CCDC62: variants seen among roughly 807,000 people sequenced by gnomAD.
The protein encoded by CCDC62 is coiled-coil domain containing 62.
Under a neutral mutation model 80.8 loss-of-function variants are expected in CCDC62, and 72 were observed. The observed-to-expected ratio is 0.89, with a 90% CI of 0.74 to 1.08. The LOEUF (loss-of-function observed/expected upper bound fraction) is 1.08, where lower values mean the gene tolerates loss of function less well. Ranked by LOEUF, CCDC62 falls within the 50% of genes least tolerant of loss-of-function variation. The probability of loss-of-function intolerance (pLI) is 0.00; values close to 1 mark genes in which losing one functional copy is unlikely to be tolerated. For synonymous variants in CCDC62, 286 were observed against 296.5 expected, an observed-to-expected ratio of 0.96 and a Z score of 0.36; for missense variants, 704 against 809.4, an observed-to-expected ratio of 0.87 and a Z score of 1.58.
In CCDC62 at chr12:122,806,145, TCTTAGTGAG is replaced by T; in HGVS notation, c.1707-3_1712del. On this transcript the variant is annotated splice_acceptor_variant and splice_polypyrimidine_tract_variant and coding_sequence_variant and intron_variant, in exon 10 of 13. Transcript: ENST00000253079. LOFTEE classifies it high-confidence loss of function. ...ATTTGTTTTTGTTGGGTTTTCTTAT[TCTTAGTGAG>T]CTAATTGCCATCCAAGATTCCCACT... 1 of 1,608,776 alleles carries T rather than the reference TCTTAGTGAG, an allele frequency of 6.2e-7. No homozygotes were observed. The highest frequency in any genetic ancestry group is 8.5e-7 in the Non-Finnish European group (1 of 1,177,696).
intron 3 of CCDC62, among the ~76,000 whole-genome samples, chr12:122,782,040 A>AG (rs2029896746): frequency 6.6e-6 from 1 of 151,702 alleles, no homozygotes. Context: ...AAAAAAAAAA[A>AG]AAAGCGTATG....
intron 6 of CCDC62, among the ~76,000 whole-genome samples, chr12:122,794,452 C>T (rs1048831459): frequency 3.9e-5 from 6 of 152,198 alleles, no homozygotes; most frequent in African/African-American, 1.4e-4. Context: ...ACCTCTGCCT[C>T]CCAAAGCCCC....
At chr12:122,796,199 G>A (rs1292456691) in intron 6 of CCDC62, among the ~76,000 whole-genome samples, 5 of 71,994 alleles carry the variant, frequency 6.9e-5, no homozygotes, top group African/African-American at 1.6e-4. Flanking sequence ...CTCCCCCACC[G>A]CCCCCCGACA....
At position 122,792,088 on chromosome 12, in the gene CCDC62, A is replaced by C. The variant is rs771186923; in HGVS notation, c.739A>C (p.Lys247Gln). The change falls in exon 6 of 13, where the codon AAA (lysine) becomes CAA (glutamine). Residue 247 changes from lysine (K) to glutamine (Q), a missense_variant. By Grantham distance (53) the Lys-to-Gln change is moderately conservative. Coordinates refer to ENST00000253079, the MANE Select transcript of CCDC62 (RefSeq NM_201435.5). ...REEIIRLKQE[K>Q]SCLHDELLFT... ...AGAGATCATTCGCCTCAAGCAAGAG[A>C]AAAGTTGCCTGCACGATGAATTGCT... 1 of 1,613,748 alleles carries C rather than the reference A, an allele frequency of 6.2e-7. No individual in the cohort carries two copies. Among genetic ancestry groups the C allele is most frequent in the Non-Finnish European group, 8.5e-7 (1 of 1,179,654 alleles).
intron 11 of CCDC62, among the ~76,000 whole-genome samples, chr12:122,819,732 A>T (rs1400877003): frequency 6.6e-6 from 1 of 152,102 alleles, no homozygotes; most frequent in East Asian, 1.9e-4. Flanking sequence ...AACGTGCAAG[A>T]TACTGAAGGT....
intron 3 of CCDC62, among the ~76,000 whole-genome samples, chr12:122,782,830 C>T (rs377093892): frequency 4.6e-5 from 7 of 151,062 alleles, no homozygotes; most frequent in African/African-American, 7.3e-5. Context: ...TTTTTGAGCC[C>T]GGCATGGTGG....
rs1040491774 is a variant in CCDC62, at chr12:122,826,542, C to G, written c.*161C>G. On this transcript the variant is annotated 3_prime_UTR_variant, in exon 13 of 13. Coordinates refer to ENST00000253079, the MANE Select transcript of CCDC62 (RefSeq NM_201435.5). Reference sequence around the variant, plus strand: ...CACTTAATTCCAGCTGGGAGCAGAACTAGAAAGTTAATTTTTAAACATCTA... The same window carrying G: ...CACTTAATTCCAGCTGGGAGCAGAAGTAGAAAGTTAATTTTTAAACATCTA... 1.4e-6 allele frequency: 1 copy of G among 703,912 alleles called. No individual in the cohort carries two copies. The highest frequency in any genetic ancestry group is 2.6e-6 in the Non-Finnish European group (1 of 382,846). The allele number at this position is 703,912 out of a possible 1,614,324, so 43.6% of individuals were successfully genotyped here.
chr12:122,810,015 A>G (rs1364273097), intron 10 of CCDC62, among the ~76,000 whole-genome samples: 1 of 152,214 alleles, frequency 6.6e-6, no homozygotes, highest in African/African-American at 2.4e-5. Flanking sequence ...TATAAAAATT[A>G]ATTCAAGATG....
Position 122,801,778 on chromosome 12 carries a change from G to T in CCDC62, c.1632G>T (p.Gln544His). ...GTATTTTCAAGCCTTCCAAAATGCA[G>T]AGAATTGTCCGCCTCAAATCTGGGT... is the stretch of plus-strand genomic sequence containing the variant. ...WMSIFKPSKMQRIVRLKSGCT... is the reference protein window; with the variant it reads ...WMSIFKPSKMHRIVRLKSGCT... The change falls in exon 9 of 13, where the codon CAG becomes CAT. Residue 544 changes from glutamine to histidine, a missense_variant. Gln to His is a conservative substitution (Grantham distance 24). Coordinates refer to ENST00000253079, the MANE Select transcript of CCDC62 (RefSeq NM_201435.5). 1 of 1,614,156 alleles carries T rather than the reference G, an allele frequency of 6.2e-7. No homozygotes were observed. Among genetic ancestry groups the T allele is most frequent in the Non-Finnish European group, 8.5e-7 (1 of 1,180,040 alleles).
At position 122,796,874 on chromosome 12, in the gene CCDC62, CTTCTTT is replaced by C. The variant is rs778987677; in HGVS notation, c.773-430_773-425del. On this transcript the variant is annotated intron_variant, in intron 6 of 12. Coordinates refer to ENST00000253079, the MANE Select transcript of CCDC62 (RefSeq NM_201435.5). Reference sequence around the variant, plus strand: ...TAATCCCTGAATCTACAAATCACTTCTTCTTTTTTTTTTTTTTTTTTTAAGACAAAG... The same window carrying C: ...TAATCCCTGAATCTACAAATCACTTCTTTTTTTTTTTTTTTTAAGACAAAG... Among the ~76,000 whole-genome samples, 871 of 145,502 alleles carry C rather than the reference CTTCTTT, an allele frequency of 6.0e-3. 8 individuals carry two copies. Among genetic ancestry groups the C allele is most frequent in the Non-Finnish European group, 7.8e-3 (523 of 66,818 alleles).
intron 6 of CCDC62, among the ~76,000 whole-genome samples, chr12:122,794,022 A>G (rs1257127255): frequency 6.6e-6 from 1 of 152,222 alleles, no homozygotes; most frequent in African/African-American, 2.4e-5. Flanking sequence ...AGAATTCACT[A>G]CTATACAAAT....
Position 122,798,198 on chromosome 12 carries a change from C to T in CCDC62, c.975C>T (p.Ser325=). ...TGGAGGAATCAAAGGCTCTGGACTCCAGGTAATCTTAGCAAGATGCAATTA... is the reference window on the plus strand; with the variant it reads ...TGGAGGAATCAAAGGCTCTGGACTCTAGGTAATCTTAGCAAGATGCAATTA... ...SKMEESKALD[S]SRDMCLSDLE... The change falls in exon 8 of 13, where the codon TCC becomes TCT. Residue 325 remains serine, a splice_region_variant and synonymous_variant. Coordinates refer to ENST00000253079, the MANE Select transcript of CCDC62 (RefSeq NM_201435.5). 1 of 1,403,500 alleles carries T rather than the reference C, an allele frequency of 7.1e-7. No individual in the cohort carries two copies. The highest frequency in any genetic ancestry group is 1.0e-6 in the Non-Finnish European group (1 of 990,292). 86.9% of individuals were successfully genotyped at this position (1,403,500 alleles called of 1,614,324 possible).
At chr12:122,804,961 T>A (rs930366911) in intron 9 of CCDC62, among the ~76,000 whole-genome samples, 1 of 150,526 alleles carries the variant, frequency 6.6e-6, no homozygotes, top group African/African-American at 2.4e-5. Context: ...CTCGGCTCAC[T>A]GCAACCTCTG....
intron 11 of CCDC62, among the ~76,000 whole-genome samples, chr12:122,819,164 G>T (rs2032300625): frequency 6.6e-6 from 1 of 152,142 alleles, no homozygotes; most frequent in Non-Finnish European, 1.5e-5. Context: ...GGATTTACCT[G>T]GCAACACGCT....
intron 8 of CCDC62, among the ~76,000 whole-genome samples, chr12:122,798,431 C>T (rs2135555021): frequency 6.6e-6 from 1 of 151,934 alleles, no homozygotes; most frequent in African/African-American, 2.4e-5. Flanking sequence ...GGTGAAACCC[C>T]ATCTCTACTA....
intron 12 of CCDC62, among the ~76,000 whole-genome samples, chr12:122,824,385 C>T (rs748493952): frequency 1.3e-5 from 2 of 151,844 alleles, no homozygotes; most frequent in Admixed American, 6.6e-5. Flanking sequence ...CATTGCACTC[C>T]AGCCGGGCGA....
rs576292365 is a variant in CCDC62 at position 122,808,221 on chromosome 12, C to T, written c.1851+1926C>T. ...CTGAGGCAGAAGAATTGCTTAAACC[C>T]GGGAGGCAGGGGTTGCAGTGAACCA... On this transcript the variant is annotated intron_variant, in intron 10 of 12. Transcript: ENST00000253079. Among the ~76,000 whole-genome samples the T allele has an allele frequency of 1.1e-4, 17 of 152,152 alleles. 1 individual carries two copies. Among genetic ancestry groups the T allele is most frequent in the African/African-American group, 4.1e-4 (17 of 41,504 alleles).
intron 1 of CCDC62, 128 bp downstream of exon 1, chr12:122,774,834 A>T (rs1213570964): frequency 4.9e-6 from 3 of 616,764 alleles, no homozygotes; most frequent in African/African-American, 1.9e-5. Flanking sequence ...TCACGCCTGT[A>T]ATCCCAGCGC....
In CCDC62 at chr12:122,788,633, G is replaced by GA; in HGVS notation, c.499-123dup. On this transcript the variant is annotated intron_variant, in intron 4 of 12. Coordinates refer to ENST00000253079, the MANE Select transcript of CCDC62 (RefSeq NM_201435.5). ...CATAGAGTTACTGTAAAGATTAAAT[G>GA]AATTCATATGCGAAAAATGCTTAGA... is the stretch of plus-strand genomic sequence containing the variant. 6.5e-6 allele frequency: 4 copies of GA among 617,654 alleles called. No individual in the cohort carries two copies. The South Asian group carries it at 8.9e-5, about 14-fold the overall frequency. 38.3% of individuals were successfully genotyped at this position (617,654 alleles called of 1,614,324 possible).
Sources: gnomAD v4.1 joint callset for allele counts (sites outside exome capture counted in the v4.1 genomes callset) on GRCh38, gnomAD v4.1.1 for gene constraint, MANE v1.5 for transcripts, NCBI Gene and HGNC (gene_info 2026-07-23, HGNC 2026-07-21) for gene names.